SSH1: variants seen among roughly 807,000 people sequenced by gnomAD.
SSH1 encodes the protein protein phosphatase Slingshot homolog 1.
In SSH1, 43 loss-of-function variants were observed where a neutral mutation model predicts 79.7. The observed-to-expected ratio is 0.54, with a 90% CI of 0.42 to 0.70. The LOEUF is 0.70. Ranked by LOEUF, SSH1 falls within the 30% of genes least tolerant of loss-of-function variation. The pLI is 0.00. For missense variants in SSH1, 1,206 were observed against 1,358.8 expected, an observed-to-expected ratio of 0.89 and a Z score of 1.77; for synonymous variants, 599 against 538.3, an observed-to-expected ratio of 1.11 and a Z score of -1.56.
chr12:108,813,860 T>G (rs974746902), intron 5 of SSH1, among the ~76,000 whole-genome samples: 39 of 150,950 alleles, frequency 2.6e-4, no homozygotes, highest in African/African-American at 6.3e-4. Flanking sequence ...GAGAAGAGAA[T>G]AGAATCCACG....
chr12:108,855,742 T>TG (rs1342755520), intron 1 of SSH1, among the ~76,000 whole-genome samples: 1 of 152,252 alleles, frequency 6.6e-6, no homozygotes, highest in Non-Finnish European at 1.5e-5. Flanking sequence ...AAGGCGCTCC[T>TG]GCAACCTAAC....
chr12:108,790,681 G>A (rs2036465493), intron 14 of SSH1, among the ~76,000 whole-genome samples: 1 of 152,214 alleles, frequency 6.6e-6, no homozygotes, highest in African/African-American at 2.4e-5. Flanking sequence ...AATGCTTTAT[G>A]GAGGTCGACA....
At chr12:108,798,954 T>C in intron 13 of SSH1, 46 bp downstream of exon 13, 1 of 1,600,940 alleles carries the variant, frequency 6.2e-7, no homozygotes. Context: ...GCCACATGGC[T>C]GCTCCAGCTC....
intron 2 of SSH1, among the ~76,000 whole-genome samples, chr12:108,849,155 G>C (rs1204077150): frequency 1.3e-5 from 2 of 152,166 alleles, no homozygotes; most frequent in African/African-American, 4.8e-5. Flanking sequence ...CCCCCTCCAA[G>C]GGCTGTTTTG....
intron 5 of SSH1, among the ~76,000 whole-genome samples, chr12:108,814,160 G>A (rs2037771715): frequency 1.3e-5 from 2 of 151,786 alleles, no homozygotes; most frequent in South Asian, 4.2e-4. Flanking sequence ...GGAGGCAGAG[G>A]TTGCAGTGAG....
At position 108,784,285 on chromosome 12, in the gene SSH1, C is replaced by T. The variant is rs1005482178; in HGVS notation, c.*3703G>A. On this transcript the variant is annotated 3_prime_UTR_variant, in exon 15 of 15. Transcript: ENST00000326495. ...GTTCAAGCTCAGCTCCACACTGCTGCAAACTCTGGACTTCTCCAGGGGAAA... is the reference window on the plus strand; with the variant it reads ...GTTCAAGCTCAGCTCCACACTGCTGTAAACTCTGGACTTCTCCAGGGGAAA... 1 of 152,390 alleles carries T rather than the reference C, an allele frequency of 6.6e-6. No individual in the cohort carries two copies. The highest frequency in any genetic ancestry group is 6.5e-5 in the Admixed American group (1 of 15,288). The allele number at this position is 152,390 out of a possible 1,614,324, so 9.4% of individuals were successfully genotyped here. A position where few individuals can be genotyped will look rare whatever the true frequency, so the allele number is the denominator to read the frequency against.
At chr12:108,828,991 T>C (rs758808999) in intron 2 of SSH1, among the ~76,000 whole-genome samples, 2 of 152,092 alleles carry the variant, frequency 1.3e-5, no homozygotes, top group Non-Finnish European at 2.9e-5. Flanking sequence ...TCACCAGGGA[T>C]AGCATGGACA....
At position 108,779,681 on chromosome 12, in the gene SSH1, TTTTTG is replaced by T. The variant is rs1412499986; in HGVS notation, c.*8302_*8306del. On this transcript the variant is annotated 3_prime_UTR_variant, in exon 15 of 15. Transcript: ENST00000326495. ...CTCTCCTCTACCTTTTTTTTTCTTT[TTTTTG>T]TTTTTTGAGACAGAGTCTCACTCTG... 6.6e-6 allele frequency: 1 copy of T among 152,092 alleles called. No homozygotes were observed. Among genetic ancestry groups the T allele is most frequent in the Non-Finnish European group, 1.5e-5 (1 of 68,034 alleles). The allele number at this position is 152,092 out of a possible 1,614,324, so 9.4% of individuals were successfully genotyped here. A position where few individuals can be genotyped will look rare whatever the true frequency, so the allele number is the denominator to read the frequency against.
At chr12:108,836,222 C>T (rs1482306437) in intron 2 of SSH1, among the ~76,000 whole-genome samples, 2 of 151,892 alleles carry the variant, frequency 1.3e-5, no homozygotes, top group African/African-American at 4.8e-5. Flanking sequence ...CCAGTCTGAA[C>T]TCATAGTTTT....
In SSH1 at chr12:108,782,897, G is replaced by A. The variant is rs1451003355; in HGVS notation, c.*5091C>T. 6.6e-6 allele frequency: 1 copy of A among 152,184 alleles called. No homozygotes were observed. Among genetic ancestry groups the A allele is most frequent in the Non-Finnish European group, 1.5e-5 (1 of 68,050 alleles). The allele number at this position is 152,184 out of a possible 1,614,324, so 9.4% of individuals were successfully genotyped here. A position where few individuals can be genotyped will look rare whatever the true frequency, so the allele number is the denominator to read the frequency against. On this transcript the variant is annotated 3_prime_UTR_variant, in exon 15 of 15. Transcript: ENST00000326495. ...TCATCGATATCTTAACGCAATTCAC[G>A]GGAACCCACTGGCAGCTTCTGGAAA...
intron 13 of SSH1, among the ~76,000 whole-genome samples, chr12:108,797,518 C>T (rs1263139884): frequency 6.6e-6 from 1 of 152,184 alleles, no homozygotes; most frequent in East Asian, 1.9e-4. Context: ...TTGAATGTTG[C>T]CTTTTCCAAA....
At chr12:108,800,140 A>G (rs2036926252) in intron 12 of SSH1, among the ~76,000 whole-genome samples, 1 of 152,214 alleles carries the variant, frequency 6.6e-6, no homozygotes, top group Admixed American at 6.5e-5. Context: ...GATAAAGCAG[A>G]AGAGGGTGAT....
rs770853011 is a variant in SSH1, at chr12:108,788,020, A to G, written c.3118T>C (p.Leu1040=). 1.9e-6 allele frequency: 3 copies of G among 1,613,996 alleles called. No homozygotes were observed. The highest frequency in any genetic ancestry group is 1.7e-5 in the Admixed American group (1 of 59,998). Residue 1040 remains leucine (L), a synonymous_variant, in exon 15 of 15, where the codon TTA becomes CTA. Transcript: ENST00000326495. ...TTGCTCATCCACGAAGGGCTCTTTA[A>G]GTTTTCTGGGGCGGGTTTCCCTGAT... is the stretch of plus-strand genomic sequence containing the variant. The part of the protein sequence containing the change: ...KPSGKPAPEN[L]KSPSWMSKS
chr12:108,845,928 G>C (rs755887411), intron 2 of SSH1, among the ~76,000 whole-genome samples: 36 of 152,228 alleles, frequency 2.4e-4, no homozygotes, highest in Non-Finnish European at 4.8e-4. Flanking sequence ...CCAGAGTGTG[G>C]ACAGGTGCAA....
intron 2 of SSH1, among the ~76,000 whole-genome samples, chr12:108,825,106 G>A (rs1184601445): frequency 1.3e-5 from 2 of 151,978 alleles, no homozygotes; most frequent in Non-Finnish European, 2.9e-5. Context: ...CATAAAAGGA[G>A]GTCACAGTTC....
intron 7 of SSH1, among the ~76,000 whole-genome samples, chr12:108,808,495 C>T (rs2037400969): frequency 6.6e-6 from 1 of 152,214 alleles, no homozygotes; most frequent in Admixed American, 6.5e-5. Context: ...CATCAATTAA[C>T]TCCAGAGAAT....
rs530295498 is a variant in SSH1 at position 108,805,071 on chromosome 12, G to A, written c.939C>T (p.Phe313=). ...TGCCTCTTACGAGATAAAGATGATCGAAGATAAGGGAGGGCTTGTCCATCT... is the reference window on the plus strand; with the variant it reads ...TGCCTCTTACGAGATAAAGATGATCAAAGATAAGGGAGGGCTTGTCCATCT... ...LGQMDKPSLI[F]DHLYLGSEWN... is the part of the protein sequence containing the mutation. Residue 313 remains phenylalanine (F), a synonymous_variant, in exon 10 of 15, where the codon TTC becomes TTT. Coordinates refer to ENST00000326495, the MANE Select transcript of SSH1 (RefSeq NM_018984.4). 621 of 1,614,072 alleles carry A rather than the reference G, an allele frequency of 3.8e-4. 7 individuals are homozygous for A. The South Asian group carries it at 6.2e-3, about 16-fold the overall frequency.
chr12:108,817,381 C>CT, intron 4 of SSH1: 4 of 516,530 alleles, frequency 7.7e-6, no homozygotes, highest in Non-Finnish European at 1.4e-5. Context: ...CGAGACCAGC[C>CT]TGGCCAACAT....
chr12:108,807,810 A>T lies in SSH1; in HGVS notation c.554T>A (p.Leu185His). The change falls in exon 8 of 15, where the codon CTT becomes CAT. Residue 185 changes from leucine to histidine, a missense_variant. By Grantham distance (99) the Leu-to-His change is moderately conservative. Transcript: ENST00000326495. The surrounding 1 kb of genome is among the most constrained non-coding windows in gnomAD (Gnocchi z 5.2). ...CCGGGCCACTTCGCAGGCCTTGTGAAGCACCTGCAGGGCAGACCTGGGGCG... is the reference window on the plus strand; with the variant it reads ...CCGGGCCACTTCGCAGGCCTTGTGATGCACCTGCAGGGCAGACCTGGGGCG... The part of the protein sequence containing the change: ...VQAMWSALQV[L>H]HKACEVARRH... 1 of 1,613,986 alleles carries T rather than the reference A, an allele frequency of 6.2e-7. No homozygotes were observed. The highest frequency in any genetic ancestry group is 8.5e-7 in the Non-Finnish European group (1 of 1,180,012).
Sources: gnomAD v4.1 joint callset for allele counts (sites outside exome capture counted in the v4.1 genomes callset) on GRCh38, gnomAD v4.1.1 for gene constraint, Gnocchi (gnomAD v3.1) non-coding constraint, MANE v1.5 for transcripts, NCBI Gene and HGNC (gene_info 2026-07-23, HGNC 2026-07-21) for gene names.